The following ERC1 variants were observed in gnomAD, a reference collection of about 807,000 sequenced individuals.
ERC1 encodes ELKS/RAB6-interacting/CAST family member 1.
A neutral mutation model predicts 132.0 loss-of-function variants in ERC1; 56 were observed. The observed-to-expected ratio is 0.42, with a 90% CI of 0.34 to 0.53. The LOEUF is 0.53. ERC1 is among the 20% of genes least tolerant of loss of function. The pLI, the probability that ERC1 is intolerant of heterozygous loss-of-function variation, is 0.03. For synonymous variants in ERC1, 478 were observed against 476.1 expected (o/e 1.00, Z -0.05); for missense variants, 1,202 against 1,349.9 (o/e 0.89, Z 1.72).
At chr12:1,072,027 G>T in intron 2 of ERC1, among the ~76,000 whole-genome samples, 1 of 151,998 alleles carries the variant, frequency 6.6e-6, no homozygotes, top group East Asian at 1.9e-4. Flanking sequence ...CTTGAACCTG[G>T]GAGGTGGAGG....
intron 8 of ERC1, among the ~76,000 whole-genome samples, chr12:1,167,276 C>T (rs536569283): frequency 2.6e-5 from 4 of 152,260 alleles, no homozygotes; most frequent in Admixed American, 1.3e-4. Flanking sequence ...AGTGCCTGGT[C>T]GCAGTTTTAA....
At chr12:1,328,352 C>T (rs2082608952) in intron 15 of ERC1, among the ~76,000 whole-genome samples, 1 of 151,876 alleles carries the variant, frequency 6.6e-6, no homozygotes, top group African/African-American at 2.4e-5. Context: ...CTTCGTTGCC[C>T]AGGCTGGTCT....
chr12:1,358,324 A>T (rs1207135872), intron 15 of ERC1, among the ~76,000 whole-genome samples: 1 of 152,032 alleles, frequency 6.6e-6, no homozygotes, highest in African/African-American at 2.4e-5. Flanking sequence ...ATAATGATCA[A>T]CATTATGAGT....
chr12:1,398,043 G>A (rs1377205628), intron 16 of ERC1, among the ~76,000 whole-genome samples: 1 of 152,140 alleles, frequency 6.6e-6, no homozygotes, highest in East Asian at 1.9e-4. Context: ...GAGCGCAGGG[G>A]CACAGTCACC....
chr12:1,118,425 A>G (rs1185668520), intron 7 of ERC1, among the ~76,000 whole-genome samples: 1 of 152,192 alleles, frequency 6.6e-6, no homozygotes, highest in African/African-American at 2.4e-5. Context: ...TTCTTGTACC[A>G]TAGAGAATAG....
chr12:1,013,116 T>C (rs913766683), intron 1 of ERC1, among the ~76,000 whole-genome samples: 1 of 152,172 alleles, frequency 6.6e-6, no homozygotes, highest in African/African-American at 2.4e-5. Flanking sequence ...ATGAGATGTA[T>C]AAAATGCAAG....
At chr12:1,163,738 T>C (rs1393450279) in intron 8 of ERC1, among the ~76,000 whole-genome samples, 1 of 152,154 alleles carries the variant, frequency 6.6e-6, no homozygotes, top group African/African-American at 2.4e-5. Context: ...TTTTTTGAGA[T>C]AGAGTCTCAC....
chr12:1,082,461 G>C (rs1040266335), intron 2 of ERC1, among the ~76,000 whole-genome samples: 2 of 106,452 alleles, frequency 1.9e-5, no homozygotes, highest in Non-Finnish European at 4.1e-5. Flanking sequence ...GCCATCCTTT[G>C]TATTTTTTGA....
At chr12:1,131,498 G>A (rs1313633795) in intron 7 of ERC1, among the ~76,000 whole-genome samples, 1 of 152,144 alleles carries the variant, frequency 6.6e-6, no homozygotes, top group Non-Finnish European at 1.5e-5. Flanking sequence ...GTCTCTCTCT[G>A]TCACCCAGGC....
intron 12 of ERC1, among the ~76,000 whole-genome samples, chr12:1,200,109 T>A (rs1273636277): frequency 2.0e-5 from 3 of 152,168 alleles, no homozygotes; most frequent in Admixed American, 2.0e-4. Context: ...TTTTAAATTT[T>A]CTTTTAAAGA....
intron 15 of ERC1, among the ~76,000 whole-genome samples, chr12:1,362,434 G>GTCTCTCTCTCTCTGTCTCTCTC (rs918086515): frequency 6.6e-6 from 1 of 150,906 alleles, no homozygotes; most frequent in Admixed American, 6.6e-5. Flanking sequence ...TCAGAGCTCT[G>GTCTCTCTCTCTCTGTCTCTCTC]TCTCTCTCTC....
At chr12:1,488,539 A>G (rs758016424) in intron 18 of ERC1, among the ~76,000 whole-genome samples, 81 of 152,150 alleles carry the variant, frequency 5.3e-4, no homozygotes, top group Non-Finnish European at 1.1e-3. Context: ...ATTAAAATTT[A>G]AAACATTGGC....
intron 13 of ERC1, among the ~76,000 whole-genome samples, chr12:1,250,587 G>A (rs146871196): frequency 1.5e-3 from 222 of 152,156 alleles, no homozygotes; most frequent in African/African-American, 5.0e-3. Flanking sequence ...TTTTGGAACT[G>A]AATGATATTC....
At chr12:1,261,642 A>G (rs1837365923) in intron 13 of ERC1, among the ~76,000 whole-genome samples, 1 of 152,098 alleles carries the variant, frequency 6.6e-6, no homozygotes, top group Admixed American at 6.5e-5. Flanking sequence ...GGGAAGGAAG[A>G]GCTCAACAAA....
chr12:1,053,311 C>T (rs1284537754), intron 2 of ERC1, among the ~76,000 whole-genome samples: 1 of 152,132 alleles, frequency 6.6e-6, no homozygotes, highest in Non-Finnish European at 1.5e-5. Flanking sequence ...AAGTAGCTTT[C>T]GTTAGTCTTG....
At chr12:1,397,274 G>T (rs572716398) in intron 16 of ERC1, among the ~76,000 whole-genome samples, 2 of 152,262 alleles carry the variant, frequency 1.3e-5, no homozygotes, top group Admixed American at 1.3e-4. Context: ...TTATCTGTGC[G>T]TTGACTTTGT....
intron 1 of ERC1, among the ~76,000 whole-genome samples, chr12:1,008,391 A>T (rs1369384341): frequency 6.6e-6 from 1 of 152,224 alleles, no homozygotes; most frequent in African/African-American, 2.4e-5. Flanking sequence ...TATGTCCAAA[A>T]TATGATTTAC....
intron 13 of ERC1, among the ~76,000 whole-genome samples, chr12:1,257,814 A>T (rs1440365640): frequency 6.6e-6 from 1 of 152,218 alleles, no homozygotes; most frequent in Non-Finnish European, 1.5e-5. Context: ...TAGTCTCATT[A>T]AAAAAACTAA....
chr12:1,409,285 C>G (rs1450253496), intron 17 of ERC1, among the ~76,000 whole-genome samples: 1 of 152,200 alleles, frequency 6.6e-6, no homozygotes, highest in African/African-American at 2.4e-5. Context: ...TGTCAGCAGT[C>G]TTTCCCTGCC....
Sources: allele counts gnomAD v4.1 joint callset (sites outside exome capture counted in the v4.1 genomes callset), GRCh38; gene constraint gnomAD v4.1.1; transcripts MANE v1.5; gene names NCBI Gene and HGNC (gene_info 2026-07-23, HGNC 2026-07-21).